GAB1: variants seen among roughly 807,000 people sequenced by gnomAD.
The protein encoded by GAB1 is GRB2-associated-binding protein 1.
Under a neutral mutation model 66.5 loss-of-function variants are expected in GAB1, and 19 were observed. The ratio of observed to expected loss-of-function variants is 0.29; its 90% CI spans 0.20 to 0.42. The LOEUF (loss-of-function observed/expected upper bound fraction) is 0.42, where lower values mean the gene tolerates loss of function less well. Among genes scored for constraint, GAB1 ranks in the 10% least tolerant of loss-of-function variants. GAB1 has a pLI of 1.00. For missense variants in GAB1, 732 were observed against 858.5 expected (o/e 0.85, Z 1.84); for synonymous variants, 294 against 301.4 (o/e 0.98, Z 0.25).
intron 1 of GAB1, among the ~76,000 whole-genome samples, chr4:143,402,031 A>G (rs1200087785): frequency 2.0e-5 from 3 of 151,406 alleles, no homozygotes; most frequent in African/African-American, 7.3e-5. Flanking sequence ...TATGATATAC[A>G]AGTATAAGCT....
chr4:143,429,327 C>G lies in GAB1; in HGVS notation c.368-4164C>G, dbSNP rs536807467. The stretch of plus-strand genomic sequence containing the variant: ...CCATGTTGGCCAGGTTGGTCTTGAA[C>G]TCCTGACCACAAGTGATCTGCCCTC... On this transcript the variant is annotated intron_variant, in intron 2 of 9. Transcript: ENST00000262994. Among the ~76,000 whole-genome samples, 5 of 152,292 alleles carry G rather than the reference C, an allele frequency of 3.3e-5. No individual in the cohort carries two copies. The East Asian group carries it at 9.7e-4, about 29-fold the overall frequency.
chr4:143,364,612 C>T (rs1484591120), intron 1 of GAB1, among the ~76,000 whole-genome samples: 4 of 152,142 alleles, frequency 2.6e-5, no homozygotes, highest in Non-Finnish European at 5.9e-5. Context: ...TTCAGCAGAA[C>T]GGCTTTTTCC....
chr4:143,430,539 A>G (rs1733600720), intron 2 of GAB1, among the ~76,000 whole-genome samples: 1 of 152,186 alleles, frequency 6.6e-6, no homozygotes, highest in Non-Finnish European at 1.5e-5. Context: ...AGCAAAGACA[A>G]TTTTGAAACT....
At chr4:143,429,017 AATC>A (rs1396226320) in intron 2 of GAB1, among the ~76,000 whole-genome samples, 1 of 152,222 alleles carries the variant, frequency 6.6e-6, no homozygotes, top group Non-Finnish European at 1.5e-5. Flanking sequence ...AAATAAAAAA[AATC>A]ATGATAGGAT....
rs367973089 is a variant in GAB1 at position 143,439,764 on chromosome 4, G to T, written c.1196-38G>T. 143 of 1,448,414 alleles carry T rather than the reference G, an allele frequency of 9.9e-5. 1 individual carries two copies. The highest frequency in any genetic ancestry group is 1.3e-4 in the Non-Finnish European group (133 of 1,030,346). 89.7% of individuals were successfully genotyped at this position (1,448,414 alleles called of 1,614,324 possible). A position where few individuals can be genotyped will look rare whatever the true frequency, so the allele number is the denominator to read the frequency against. On this transcript the variant is annotated intron_variant, in intron 4 of 9. Coordinates refer to ENST00000262994, the MANE Select transcript of GAB1 (RefSeq NM_002039.4). ...CCCAATGACCCTGAGAGCTGGCAAAGATGGGAATAAATGTTGATAGTTTGT... is the reference window on the plus strand; with the variant it reads ...CCCAATGACCCTGAGAGCTGGCAAATATGGGAATAAATGTTGATAGTTTGT...
At chr4:143,397,804 C>G (rs1234544677) in intron 1 of GAB1, among the ~76,000 whole-genome samples, 1 of 152,152 alleles carries the variant, frequency 6.6e-6, no homozygotes, top group Non-Finnish European at 1.5e-5. Flanking sequence ...TTTCCAAGGT[C>G]CCTGCATGAA....
chr4:143,425,952 A>C lies in GAB1; in HGVS notation c.368-7539A>C, dbSNP rs1366617981. ...TTAAGCTGTTCTTGCACGGGTTCTTAAGCAACATGGAAAATAAACATCAGT... is the reference window on the plus strand; with the variant it reads ...TTAAGCTGTTCTTGCACGGGTTCTTCAGCAACATGGAAAATAAACATCAGT... On this transcript the variant is annotated intron_variant, in intron 2 of 9. Transcript: ENST00000262994. The C allele has an allele frequency of 1.4e-5, 12 of 868,126 alleles. No homozygotes were observed. In the East Asian group the frequency reaches 2.9e-4, roughly 21 times the overall value. The allele number at this position is 868,126 out of a possible 1,614,324, so 53.8% of individuals were successfully genotyped here.
intron 3 of GAB1, among the ~76,000 whole-genome samples, chr4:143,437,244 G>A (rs1465789386): frequency 6.6e-6 from 1 of 152,156 alleles, no homozygotes; most frequent in Non-Finnish European, 1.5e-5. Flanking sequence ...TTAGCATTAA[G>A]GAAGTGAGAG....
chr4:143,384,798 G>T (rs1352542730), intron 1 of GAB1, among the ~76,000 whole-genome samples: 1 of 152,238 alleles, frequency 6.6e-6, no homozygotes, highest in Non-Finnish European at 1.5e-5. Context: ...CGAGTTGGCA[G>T]CTAGTAGGGC....
chr4:143,425,253 GA>G, intron 2 of GAB1: 1 of 967,654 alleles, frequency 1.0e-6, no homozygotes, highest in Non-Finnish European at 1.7e-6. Context: ...TGTTGCCGTT[GA>G]AAACCCTGCA....
chr4:143,399,446 A>G (rs1223925053), intron 1 of GAB1, among the ~76,000 whole-genome samples: 1 of 152,246 alleles, frequency 6.6e-6, no homozygotes, highest in Non-Finnish European at 1.5e-5. Flanking sequence ...AACTACAGGT[A>G]ACCTCTTTGT....
chr4:143,405,959 ACT>A (rs759840663), intron 1 of GAB1, among the ~76,000 whole-genome samples: 2 of 151,294 alleles, frequency 1.3e-5, no homozygotes, highest in Non-Finnish European at 2.9e-5. Context: ...GAGAAAAAAA[ACT>A]CTTTAAAAAA....
In GAB1 at chr4:143,343,771, A is replaced by G. The variant is rs1472542393; in HGVS notation, c.72+6511A>G. On this transcript the variant is annotated intron_variant, in intron 1 of 9. Transcript: ENST00000262994. Reference sequence around the variant, plus strand: ...TGGTGTACTGCTGGCAGCAACAGCAAAATCTTAAGGGAGGGCTGGTTTTAA... The same window carrying G: ...TGGTGTACTGCTGGCAGCAACAGCAGAATCTTAAGGGAGGGCTGGTTTTAA... Among the ~76,000 whole-genome samples, 9 of 152,184 alleles carry G rather than the reference A, an allele frequency of 5.9e-5. No homozygotes were observed. The East Asian group carries it at 9.6e-4, about 16-fold the overall frequency.
chr4:143,463,300 A>T (rs1735598200), intron 8 of GAB1, among the ~76,000 whole-genome samples: 1 of 152,126 alleles, frequency 6.6e-6, no homozygotes. Context: ...AATATGTTAA[A>T]TGATTTTACA....
chr4:143,386,535 G>A (rs1730924749), intron 1 of GAB1, among the ~76,000 whole-genome samples: 1 of 152,080 alleles, frequency 6.6e-6, no homozygotes, highest in African/African-American at 2.4e-5. Context: ...CTAAAGGCAT[G>A]CACTACCATG....
chr4:143,356,059 A>G (rs935023692), intron 1 of GAB1, among the ~76,000 whole-genome samples: 1 of 151,834 alleles, frequency 6.6e-6, no homozygotes, highest in Non-Finnish European at 1.5e-5. Context: ...AAACAAGCCA[A>G]TGCCTTTTTT....
At chr4:143,406,255 A>T (rs1375712509) in intron 1 of GAB1, among the ~76,000 whole-genome samples, 1 of 149,534 alleles carries the variant, frequency 6.7e-6, no homozygotes, top group Non-Finnish European at 1.5e-5. Context: ...ATTTAGCCAC[A>T]TTTTTTTTTT....
At chr4:143,351,717 T>A (rs1351064539) in intron 1 of GAB1, among the ~76,000 whole-genome samples, 1 of 152,062 alleles carries the variant, frequency 6.6e-6, no homozygotes, top group African/African-American at 2.4e-5. Flanking sequence ...CCATAACAAT[T>A]TGACAATTTC....
intron 1 of GAB1, chr4:143,380,703 G>A (rs1274208814): frequency 1.3e-5 from 2 of 152,176 alleles, no homozygotes; most frequent in Non-Finnish European, 2.9e-5. Flanking sequence ...TTACAGGCTT[G>A]AGCCACCACT....
Sources: allele counts gnomAD v4.1 joint callset (sites outside exome capture counted in the v4.1 genomes callset), GRCh38; gene constraint gnomAD v4.1.1; transcripts MANE v1.5; gene names NCBI Gene and HGNC (gene_info 2026-07-23, HGNC 2026-07-21).